GM2A: variants seen among roughly 807,000 people sequenced by gnomAD.
The protein encoded by GM2A is ganglioside GM2 activator.
A neutral mutation model predicts 12.9 loss-of-function variants in GM2A; 7 were observed. The observed-to-expected ratio is 0.54, with a 90% CI of 0.31 to 1.02. The LOEUF (loss-of-function observed/expected upper bound fraction) is 1.02. Among genes scored for constraint, GM2A ranks in the 50% least tolerant of loss-of-function variants. The pLI, the probability that GM2A is intolerant of heterozygous loss-of-function variation, is 0.05. For missense variants in GM2A, 246 were observed against 241.0 expected (o/e 1.02, Z -0.14); for synonymous variants, 101 against 96.0 (o/e 1.05, Z -0.30).
chr5:151,255,029 C>T (rs575719212), intron 1 of GM2A, among the ~76,000 whole-genome samples: 9 of 152,064 alleles, frequency 5.9e-5, no homozygotes, highest in South Asian at 4.1e-4. Context: ...AGACCAGGTG[C>T]GGTGGTGCAC....
Position 151,267,367 on chromosome 5 carries a change from G to A in GM2A, c.498G>A (p.Gly166=). Residue 166 remains glycine, a synonymous_variant, in exon 4 of 4, where the codon GGG becomes GGA. Coordinates refer to ENST00000357164, the MANE Select transcript of GM2A (RefSeq NM_000405.5). ...AGCTGCCCAGTTGGCTCACCACCGGGAACTACCGCATAGAGAGCGTCCTGA... is the reference window on the plus strand; with the variant it reads ...AGCTGCCCAGTTGGCTCACCACCGGAAACTACCGCATAGAGAGCGTCCTGA... ...DLELPSWLTT[G]NYRIESVLSS... The A allele has an allele frequency of 1.2e-6, 2 of 1,614,174 alleles. No homozygotes were observed. The highest frequency in any genetic ancestry group is 1.7e-6 in the Non-Finnish European group (2 of 1,180,014).
At chr5:151,257,902 T>TTC (rs1365832803) in intron 1 of GM2A, among the ~76,000 whole-genome samples, 6 of 152,218 alleles carry the variant, frequency 3.9e-5, no homozygotes, top group African/African-American at 1.4e-4. Flanking sequence ...CAGCATTACC[T>TTC]TCTGCTCTTT....
chr5:151,256,956 T>C (rs1753700882), intron 1 of GM2A, among the ~76,000 whole-genome samples: 1 of 152,198 alleles, frequency 6.6e-6, no homozygotes, highest in African/African-American at 2.4e-5. Flanking sequence ...GCTTTCTGTA[T>C]ACAAACATCT....
chr5:151,258,814 G>A (rs1753741360), intron 1 of GM2A, among the ~76,000 whole-genome samples: 1 of 152,198 alleles, frequency 6.6e-6, no homozygotes, highest in Non-Finnish European at 1.5e-5. Context: ...TGGGGGTGTG[G>A]GACTGGCAGG....
chr5:151,267,296 G>A lies in GM2A; in HGVS notation c.427G>A (p.Gly143Arg), dbSNP rs1291946221. ...TGGCGGTCCACTGGCTTTCCCGCAG[G>A]GAACCTACTCACTGCCCAAGAGCGA... ...GLPCHCPFKE[G>R]TYSLPKSEFV... is the part of the protein sequence containing the mutation. The change falls in exon 4 of 4, where the codon GGA becomes AGA. Residue 143 changes from glycine to arginine, a missense_variant and splice_region_variant. Coordinates refer to ENST00000357164, the MANE Select transcript of GM2A (RefSeq NM_000405.5). The A allele has an allele frequency of 1.9e-6, 3 of 1,614,114 alleles. No individual in the cohort carries two copies. The highest frequency in any genetic ancestry group is 2.2e-5 in the East Asian group (1 of 44,868).
intron 2 of GM2A, among the ~76,000 whole-genome samples, chr5:151,261,045 GA>G (rs1239521666): frequency 6.6e-6 from 1 of 151,896 alleles, no homozygotes; most frequent in Non-Finnish European, 1.5e-5. Context: ...TAATTTTAGA[GA>G]CAGTGTGTCA....
In GM2A at chr5:151,259,900, T is replaced by C; in HGVS notation, c.227T>C (p.Leu76Pro). Reference protein sequence around the residue: ...LSVMGSTSVPLSSPLKVDLVL... With the variant: ...LSVMGSTSVPPSSPLKVDLVL... Reference sequence around the variant, plus strand: ...GTCATGGGCAGCACCAGTGTCCCCCTGAGTTCTCCTCTGAAGGTGAGCCTG... The same window carrying C: ...GTCATGGGCAGCACCAGTGTCCCCCCGAGTTCTCCTCTGAAGGTGAGCCTG... The change falls in exon 2 of 4, where the codon CTG (leucine) becomes CCG (proline). Residue 76 changes from leucine to proline, a missense_variant. Transcript: ENST00000357164. The C allele has an allele frequency of 1.2e-6, 2 of 1,613,670 alleles. No homozygotes were observed. Among genetic ancestry groups the C allele is most frequent in the Non-Finnish European group, 1.7e-6 (2 of 1,179,650 alleles).
intron 2 of GM2A, among the ~76,000 whole-genome samples, chr5:151,265,786 A>G (rs1296394211): frequency 6.6e-6 from 1 of 152,218 alleles, no homozygotes; most frequent in Non-Finnish European, 1.5e-5. Flanking sequence ...CTTCTCACCC[A>G]GCCCTACTCC....
chr5:151,268,901 T>C lies in GM2A; in HGVS notation c.*1450T>C. 1 of 985,426 alleles carries C rather than the reference T, an allele frequency of 1.0e-6. No homozygotes were observed. The allele number at this position is 985,426 out of a possible 1,614,324, so 61.0% of individuals were successfully genotyped here. On this transcript the variant is annotated 3_prime_UTR_variant, in exon 4 of 4. Transcript: ENST00000357164. ...AAGACAACTCCTGTGGCACCGTTTC[T>C]CCCTCCACAGGGCCAAAGCCATAGT...
rs750703170 is a variant in GM2A at position 151,269,904 on chromosome 5, C to T, written c.*2453C>T. The T allele has an allele frequency of 4.0e-6, 4 of 1,006,130 alleles. No individual in the cohort carries two copies. Among genetic ancestry groups the T allele is most frequent in the Non-Finnish European group, 5.0e-6 (4 of 802,500 alleles). The allele number at this position is 1,006,130 out of a possible 1,614,324, so 62.3% of individuals were successfully genotyped here. On this transcript the variant is annotated 3_prime_UTR_variant, in exon 4 of 4. Coordinates refer to ENST00000357164, the MANE Select transcript of GM2A (RefSeq NM_000405.5). ...GTTGTTGGTGAATTCTTTTTACCAA[C>T]CCACGAGTTGACCACTTCCCAATGC...
At chr5:151,257,316 A>G (rs1753707585) in intron 1 of GM2A, among the ~76,000 whole-genome samples, 2 of 152,090 alleles carry the variant, frequency 1.3e-5, no homozygotes, top group Non-Finnish European at 2.9e-5. Flanking sequence ...CATTACCCTC[A>G]GGAAGCCATC....
Position 151,268,025 on chromosome 5 carries a change from G to A in GM2A, c.*574G>A. ...CTGGAGAGGTAGGGTGTGTGGGGGA[G>A]GAATCCCTTGGGGGAGATATTAGGA... On this transcript the variant is annotated 3_prime_UTR_variant, in exon 4 of 4. Coordinates refer to ENST00000357164, the MANE Select transcript of GM2A (RefSeq NM_000405.5). 9.6e-7 allele frequency: 1 copy of A among 1,045,500 alleles called. No homozygotes were observed. 64.8% of individuals were successfully genotyped at this position (1,045,500 alleles called of 1,614,324 possible). A position where few individuals can be genotyped will look rare whatever the true frequency, so the allele number is the denominator to read the frequency against.
Position 151,267,374 on chromosome 5 carries a change from C to T in GM2A, c.505C>T (p.Arg169Cys), listed in dbSNP as rs761616890. The change falls in exon 4 of 4, where the codon CGC becomes TGC. Residue 169 changes from arginine to cysteine, a missense_variant. Coordinates refer to ENST00000357164, the MANE Select transcript of GM2A (RefSeq NM_000405.5). ...LPSWLTTGNY[R>C]IESVLSSSGK... is the part of the protein sequence containing the mutation. ...CAGTTGGCTCACCACCGGGAACTAC[C>T]GCATAGAGAGCGTCCTGAGCAGCAG... 2.6e-5 allele frequency: 42 copies of T among 1,614,036 alleles called. No individual in the cohort carries two copies. Among genetic ancestry groups the T allele is most frequent in the South Asian group, 5.5e-5 (5 of 91,080 alleles).
chr5:151,268,489 AAATATTTCTTACAC>A lies in GM2A; in HGVS notation c.*1040_*1053del. The A allele has an allele frequency of 1.0e-6, 1 of 985,444 alleles. No individual in the cohort carries two copies. The highest frequency in any genetic ancestry group is 1.2e-6 in the Non-Finnish European group (1 of 829,944). 61.0% of individuals were successfully genotyped at this position (985,444 alleles called of 1,614,324 possible). ...TTGATTAAAGATGCTATTACAATGT[AAATATTTCTTACAC>A]AGAAAGTCACAGCACATGTGCCCAT... On this transcript the variant is annotated 3_prime_UTR_variant, in exon 4 of 4. Transcript: ENST00000357164.
intron 2 of GM2A, among the ~76,000 whole-genome samples, chr5:151,262,774 T>C (rs570019515): frequency 2.0e-5 from 3 of 152,248 alleles, no homozygotes; most frequent in Non-Finnish European, 4.4e-5. Flanking sequence ...TGATCTGGAG[T>C]GTGGGCTCTC....
chr5:151,266,630 A>C, intron 2 of GM2A, 101 bp from the exon 3 acceptor site: 1 of 865,442 alleles, frequency 1.2e-6, no homozygotes, highest in Non-Finnish European at 1.9e-6. Flanking sequence ...CTATGATTAA[A>C]ATATATTGCT....
Position 151,269,152 on chromosome 5 carries a change from A to C in GM2A, c.*1701A>C. 14 of 985,458 alleles carry C rather than the reference A, an allele frequency of 1.4e-5. No individual in the cohort carries two copies. Among genetic ancestry groups the C allele is most frequent in the Non-Finnish European group, 1.7e-5 (14 of 829,922 alleles). The allele number at this position is 985,458 out of a possible 1,614,324, so 61.0% of individuals were successfully genotyped here. The stretch of plus-strand genomic sequence containing the variant: ...GCCTGGATTTTTCTACCACCCTGTT[A>C]CATCATAACAACTTCTGAAACACAC... On this transcript the variant is annotated 3_prime_UTR_variant, in exon 4 of 4. Coordinates refer to ENST00000357164, the MANE Select transcript of GM2A (RefSeq NM_000405.5).
rs1198088983 is a variant in GM2A at position 151,270,006 on chromosome 5, C to T, written c.*2555C>T. ...TTGGATCTTCCAGCCTTATTCTCAA[C>T]AGTTCATTTTTAGTTCACATTCTTG... On this transcript the variant is annotated 3_prime_UTR_variant, in exon 4 of 4. Transcript: ENST00000357164. 1.2e-5 allele frequency: 15 copies of T among 1,227,510 alleles called. No homozygotes were observed. The highest frequency in any genetic ancestry group is 1.5e-5 in the Non-Finnish European group (15 of 985,926). The allele number at this position is 1,227,510 out of a possible 1,614,324, so 76.0% of individuals were successfully genotyped here. A position where few individuals can be genotyped will look rare whatever the true frequency, so the allele number is the denominator to read the frequency against.
intron 2 of GM2A, among the ~76,000 whole-genome samples, chr5:151,264,992 AAAG>A (rs1374453268): frequency 1.3e-5 from 2 of 152,040 alleles, no homozygotes; most frequent in Non-Finnish European, 2.9e-5. Context: ...AAAAAAAAAA[AAAG>A]AAGGTGAGGG....
Sources: gnomAD v4.1 joint callset for allele counts (sites outside exome capture counted in the v4.1 genomes callset) on GRCh38, gnomAD v4.1.1 for gene constraint, MANE v1.5 for transcripts, NCBI Gene and HGNC (gene_info 2026-07-23, HGNC 2026-07-21) for gene names.